Variants in HDLBP observed in about 807,000 individuals in gnomAD.
HDLBP encodes high density lipoprotein binding protein.
In HDLBP, 30 loss-of-function variants were observed where a neutral mutation model predicts 137.3. The ratio of observed to expected loss-of-function variants is 0.22; its 90% CI spans 0.16 to 0.30. HDLBP has a LOEUF of 0.30. Among genes scored for constraint, HDLBP ranks in the 10% least tolerant of loss-of-function variants. The probability of loss-of-function intolerance (pLI) is 1.00; values close to 1 mark genes in which losing one functional copy is unlikely to be tolerated. For synonymous variants in HDLBP, 606 were observed against 596.0 expected, an observed-to-expected ratio of 1.02 and a Z score of -0.24; for missense variants, 1,119 against 1,667.3, an observed-to-expected ratio of 0.67 and a Z score of 5.73.
intron 1 of HDLBP, among the ~76,000 whole-genome samples, chr2:241,311,647 G>A (rs1440230805): frequency 6.6e-6 from 1 of 152,162 alleles, no homozygotes; most frequent in African/African-American, 2.4e-5. Flanking sequence ...GAATTGTAGT[G>A]ACAAAATATA....
At chr2:241,273,234 C>T (rs2074247490) in intron 1 of HDLBP, 5 of 985,380 alleles carry the variant, frequency 5.1e-6, no homozygotes, top group Non-Finnish European at 6.0e-6. Flanking sequence ...TCCTACAGCG[C>T]AGTGAGGCTC....
Position 241,236,635 on chromosome 2 carries a change from C to T in HDLBP, c.2884G>A (p.Ala962Thr), listed in dbSNP as rs572912678. ...IISGRKEKCE[A>T]AKEALEALVP... ...CATACCTCCAGAGCTTCCTTGGCAG[C>T]CTCACACTTTTCTTTCCGGCCAGAG... Residue 962 changes from alanine (A) to threonine (T), a missense_variant, in exon 21 of 28, where the codon GCT becomes ACT. Physicochemically the swap from Ala to Thr is moderately conservative, Grantham distance 58. Around this residue, in one of 4 missense-constraint regions of HDLBP, gnomAD observed 618 missense variants for 816.7 expected, o/e 0.76. Transcript: ENST00000310931. 1.2e-6 allele frequency: 2 copies of T among 1,614,088 alleles called. No individual in the cohort carries two copies.
At chr2:241,298,644 A>G (rs921387176) in intron 1 of HDLBP, among the ~76,000 whole-genome samples, 2 of 152,236 alleles carry the variant, frequency 1.3e-5, no homozygotes, top group Non-Finnish European at 2.9e-5. Context: ...AAGATTTCAC[A>G]GTGGAGAAGC....
chr2:241,282,354 G>A (rs1469391039), intron 1 of HDLBP, among the ~76,000 whole-genome samples: 2 of 152,228 alleles, frequency 1.3e-5, no homozygotes, highest in Non-Finnish European at 2.9e-5. Flanking sequence ...AAAAAAAAGT[G>A]TGGGAAAACA....
Position 241,248,051 on chromosome 2 carries a change from A to T in HDLBP, c.1683T>A (p.Asn561Lys). The change falls in exon 14 of 28, where the codon AAT becomes AAA. Residue 561 changes from asparagine to lysine, a missense_variant. By Grantham distance (94) the Asn-to-Lys change is moderately conservative. Around this residue, in one of 4 missense-constraint regions of HDLBP, gnomAD observed 425 missense variants for 693.9 expected, o/e 0.61. Coordinates refer to ENST00000310931, the MANE Select transcript of HDLBP (RefSeq NM_005336.6). Reference sequence around the variant, plus strand: ...TGTATTTTGTGCATTTTTCCACCTCATTCTTAGGTCCTCTGAGCTGGACAA... The same window carrying T: ...TGTATTTTGTGCATTTTTCCACCTCTTTCTTAGGTCCTCTGAGCTGGACAA... The part of the protein sequence containing the change: ...SDIVQLRGPK[N>K]EVEKCTKYMQ... 6.2e-7 allele frequency: 1 copy of T among 1,614,142 alleles called. No homozygotes were observed. Among genetic ancestry groups the T allele is most frequent in the South Asian group, 1.1e-5 (1 of 91,080 alleles).
intron 1 of HDLBP, among the ~76,000 whole-genome samples, chr2:241,313,717 A>T (rs1015360938): frequency 1.3e-5 from 2 of 152,186 alleles, no homozygotes; most frequent in African/African-American, 2.4e-5. Flanking sequence ...GGCCAAAACA[A>T]CAAAACCTGG....
chr2:241,243,847 G>A (rs1385063326), intron 16 of HDLBP, among the ~76,000 whole-genome samples: 4 of 152,044 alleles, frequency 2.6e-5, no homozygotes, highest in African/African-American at 9.7e-5. Context: ...ATATTCAGAG[G>A]AATACAAAAA....
At position 241,272,578 on chromosome 2, in the gene HDLBP, C is replaced by T. The variant is rs1035299243; in HGVS notation, c.-102-4037G>A. ...AGGTCTGGCCCGGAACCGCCACGCG[C>T]GGTAAGCAGGACACCCGCGGGCGGG... On this transcript the variant is annotated intron_variant, in intron 1 of 27. Coordinates refer to ENST00000310931, the MANE Select transcript of HDLBP (RefSeq NM_005336.6). This position sits in a 1 kb window ranked among gnomAD's most constrained non-coding sequence, Gnocchi z 5.6. 58 of 984,070 alleles carry T rather than the reference C, an allele frequency of 5.9e-5. No individual in the cohort carries two copies. The highest frequency in any genetic ancestry group is 1.2e-4 in the Admixed American group (2 of 16,174). The allele number at this position is 984,070 out of a possible 1,614,324, so 61.0% of individuals were successfully genotyped here.
chr2:241,229,784 GC>G, intron 27 of HDLBP, 48 bp downstream of exon 27: 1 of 1,502,538 alleles, frequency 6.7e-7, no homozygotes, highest in Non-Finnish European at 9.1e-7. Flanking sequence ...AAGCCCGCCT[GC>G]CCGCCCACCC....
At chr2:241,259,702 T>A (rs1250493988) in intron 5 of HDLBP, among the ~76,000 whole-genome samples, 3 of 152,220 alleles carry the variant, frequency 2.0e-5, no homozygotes, top group Non-Finnish European at 4.4e-5. Flanking sequence ...CTCAAATTCC[T>A]GTGCTCATGC....
chr2:241,290,380 G>GT (rs1203258924), intron 1 of HDLBP, among the ~76,000 whole-genome samples: 1 of 152,160 alleles, frequency 6.6e-6, no homozygotes, highest in Non-Finnish European at 1.5e-5. Flanking sequence ...AAAGGCCAAG[G>GT]TGGGTGGATT....
At chr2:241,308,966 G>A (rs1314853481) in intron 1 of HDLBP, among the ~76,000 whole-genome samples, 1 of 152,064 alleles carries the variant, frequency 6.6e-6, no homozygotes, top group Non-Finnish European at 1.5e-5. Flanking sequence ...GCTCCACACT[G>A]GTCTAATAAC....
In HDLBP at chr2:241,240,868, C is replaced by T. The variant is rs555228399; in HGVS notation, c.2170-746G>A. Among the ~76,000 whole-genome samples, 4 of 152,282 alleles carry T rather than the reference C, an allele frequency of 2.6e-5. No individual in the cohort carries two copies. Among genetic ancestry groups the T allele is most frequent in the South Asian group, 2.1e-4 (1 of 4,824 alleles). ...CTGCTCCACGGGACTCAGGTCCACA[C>T]GGGGAGCTCTTGCCTTTCTCCGGAC... is the stretch of plus-strand genomic sequence containing the variant. On this transcript the variant is annotated intron_variant, in intron 17 of 27. Coordinates refer to ENST00000310931, the MANE Select transcript of HDLBP (RefSeq NM_005336.6). This position sits in a 1 kb window ranked among gnomAD's most constrained non-coding sequence, Gnocchi z 5.5.
rs2069961688 is a variant in HDLBP at position 241,233,005 on chromosome 2, A to G, written c.3288+815T>C. Among the ~76,000 whole-genome samples, 1 of 151,342 alleles carries G rather than the reference A, an allele frequency of 6.6e-6. No homozygotes were observed. Among genetic ancestry groups the G allele is most frequent in the African/African-American group, 2.4e-5 (1 of 41,252 alleles). On this transcript the variant is annotated intron_variant, in intron 24 of 27. Coordinates refer to ENST00000310931, the MANE Select transcript of HDLBP (RefSeq NM_005336.6). The surrounding 1 kb of genome is among the most constrained non-coding windows in gnomAD (Gnocchi z 4.3). ...AGGAAGAAGGGGAAGGGGAAGGGGA[A>G]GCAGCGGAAAACCCTGGGCGGCACA...
chr2:241,243,590 G>C (rs932025786), intron 16 of HDLBP: 1 of 152,966 alleles, frequency 6.5e-6, no homozygotes, highest in African/African-American at 2.4e-5. Context: ...CAGCTCAGTC[G>C]GGGCCTGGTA....
chr2:241,280,413 T>C (rs2074551510), intron 1 of HDLBP, among the ~76,000 whole-genome samples: 1 of 152,224 alleles, frequency 6.6e-6, no homozygotes, highest in Non-Finnish European at 1.5e-5. Flanking sequence ...AAAGTTCAGA[T>C]GAGACAGAAA....
At chr2:241,271,545 T>C (rs1345303615) in intron 1 of HDLBP, among the ~76,000 whole-genome samples, 6 of 152,222 alleles carry the variant, frequency 3.9e-5, no homozygotes, top group Admixed American at 3.9e-4. Context: ...TTCTACTTTT[T>C]TGCTTTTAAA....
intron 1 of HDLBP, among the ~76,000 whole-genome samples, chr2:241,284,947 C>T (rs186323989): frequency 6.6e-5 from 10 of 152,350 alleles, no homozygotes; most frequent in Middle Eastern, 3.4e-3. Flanking sequence ...CAGTCTTGAT[C>T]TTGGCTTACT....
chr2:241,251,320 T>C (rs1173974805), intron 11 of HDLBP, among the ~76,000 whole-genome samples: 2 of 152,176 alleles, frequency 1.3e-5, no homozygotes, highest in Non-Finnish European at 1.5e-5. Flanking sequence ...TTATGGTGTA[T>C]GTGTGGTTCA....
Sources: allele counts gnomAD v4.1 joint callset (sites outside exome capture counted in the v4.1 genomes callset), GRCh38; gene constraint gnomAD v4.1.1; regional missense constraint gnomAD v4.1.1; non-coding constraint Gnocchi (gnomAD v3.1); transcripts MANE v1.5; gene names NCBI Gene and HGNC (gene_info 2026-07-23, HGNC 2026-07-21).